Variants in NRG3 observed in about 807,000 individuals in gnomAD.
NRG3 encodes the protein neuregulin 3.
A neutral mutation model predicts 66.9 loss-of-function variants in NRG3; 31 were observed. That is an observed-to-expected ratio of 0.46 (90% CI 0.35 to 0.63). The LOEUF is 0.63. Among genes scored for constraint, NRG3 ranks in the 20% least tolerant of loss-of-function variants. The pLI is 0.00. For missense variants in NRG3, 910 were observed against 878.9 expected, an observed-to-expected ratio of 1.04 and a Z score of -0.45; for synonymous variants, 393 against 359.4, an observed-to-expected ratio of 1.09 and a Z score of -1.06.
chr10:82,364,366 A>G (rs997955573), intron 2 of NRG3, among the ~76,000 whole-genome samples: 2 of 152,210 alleles, frequency 1.3e-5, no homozygotes, highest in Non-Finnish European at 2.9e-5. Context: ...ATTGGATTTA[A>G]TAAAAGGTAG....
intron 2 of NRG3, among the ~76,000 whole-genome samples, chr10:82,649,172 G>A (rs2051204569): frequency 6.6e-6 from 1 of 152,134 alleles, no homozygotes; most frequent in Non-Finnish European, 1.5e-5. Context: ...TAGGAAAAGA[G>A]GAAGTGAAAT....
chr10:81,916,224 A>C (rs1845693469), intron 1 of NRG3, among the ~76,000 whole-genome samples: 1 of 152,148 alleles, frequency 6.6e-6, no homozygotes, highest in South Asian at 2.1e-4. Context: ...ATTCCTTACC[A>C]ACCTGGCCCA....
chr10:82,001,876 A>G (rs1052415454), intron 1 of NRG3, among the ~76,000 whole-genome samples: 2 of 152,210 alleles, frequency 1.3e-5, no homozygotes, highest in African/African-American at 4.8e-5. Flanking sequence ...GGGACCTAAT[A>G]AAGTTTCCTC....
intron 3 of NRG3, among the ~76,000 whole-genome samples, chr10:82,774,735 A>C (rs969794967): frequency 1.7e-5 from 2 of 118,594 alleles, no homozygotes; most frequent in Admixed American, 1.6e-4. Flanking sequence ...GGTTTTATTG[A>C]TTTTTTTGTT....
At chr10:82,066,180 A>G (rs900401040) in intron 1 of NRG3, among the ~76,000 whole-genome samples, 1 of 152,212 alleles carries the variant, frequency 6.6e-6, no homozygotes, top group African/African-American at 2.4e-5. Context: ...AAATCTAAAA[A>G]TAACTACCAT....
chr10:82,885,152 C>T (rs1322956742), intron 4 of NRG3, among the ~76,000 whole-genome samples: 4 of 152,112 alleles, frequency 2.6e-5, no homozygotes, highest in South Asian at 4.1e-4. Flanking sequence ...ATCTTCTGCC[C>T]GTAACTACAA....
intron 4 of NRG3, among the ~76,000 whole-genome samples, chr10:82,871,547 C>T (rs7904273): frequency 6.6e-5 from 10 of 152,026 alleles, no homozygotes; most frequent in South Asian, 2.1e-4. Context: ...TTCCTATTCA[C>T]GAACATGGAA....
At chr10:82,457,257 T>C (rs1444146244) in intron 2 of NRG3, among the ~76,000 whole-genome samples, 1 of 152,178 alleles carries the variant, frequency 6.6e-6, no homozygotes, top group Non-Finnish European at 1.5e-5. Flanking sequence ...AGACAATTTT[T>C]TTCCACAGAC....
At chr10:82,608,686 A>G (rs1460521010) in intron 2 of NRG3, among the ~76,000 whole-genome samples, 2 of 152,074 alleles carry the variant, frequency 1.3e-5, no homozygotes, top group Non-Finnish European at 2.9e-5. Context: ...TAGGTGATAA[A>G]AGAAGGCTGG....
intron 4 of NRG3, among the ~76,000 whole-genome samples, chr10:82,908,191 A>G (rs180823756): frequency 1.7e-3 from 258 of 152,340 alleles, no homozygotes; most frequent in Non-Finnish European, 2.8e-3. Flanking sequence ...AAAAGCTGCC[A>G]TGAGGAGGTG....
At chr10:82,881,417 T>C (rs184426322) in intron 4 of NRG3, among the ~76,000 whole-genome samples, 91 of 152,360 alleles carry the variant, frequency 6.0e-4, no homozygotes, top group African/African-American at 1.8e-3. Context: ...ATTCATTTTC[T>C]CATTACATTC....
chr10:82,488,014 T>C (rs1842824156), intron 2 of NRG3, among the ~76,000 whole-genome samples: 1 of 152,170 alleles, frequency 6.6e-6, no homozygotes, highest in Non-Finnish European at 1.5e-5. Flanking sequence ...TGCCAAATGT[T>C]TTTCAAGGCT....
chr10:82,256,048 C>A (rs1240497243), intron 1 of NRG3, among the ~76,000 whole-genome samples: 1 of 152,084 alleles, frequency 6.6e-6, no homozygotes, highest in Non-Finnish European at 1.5e-5. Flanking sequence ...CTCAGCCTCC[C>A]AAGTAGCTGG....
At chr10:82,729,081 GA>G (rs2057762084) in intron 2 of NRG3, among the ~76,000 whole-genome samples, 1 of 152,160 alleles carries the variant, frequency 6.6e-6, no homozygotes, top group Non-Finnish European at 1.5e-5. Flanking sequence ...TGAGACTTCT[GA>G]GAGGTTAATC....
At chr10:82,546,334 A>T (rs184472055) in intron 2 of NRG3, among the ~76,000 whole-genome samples, 11 of 152,214 alleles carry the variant, frequency 7.2e-5, no homozygotes, top group African/African-American at 2.7e-4. Context: ...AGGGAAATGC[A>T]AAAGTTGCAT....
At chr10:82,106,619 C>T (rs2067077866) in intron 1 of NRG3, among the ~76,000 whole-genome samples, 1 of 151,790 alleles carries the variant, frequency 6.6e-6, no homozygotes, top group African/African-American at 2.4e-5. Flanking sequence ...GATTCTCCTG[C>T]CTCAGCCTCC....
intron 1 of NRG3, among the ~76,000 whole-genome samples, chr10:82,208,047 A>G (rs1460720558): frequency 1.3e-5 from 2 of 152,182 alleles, no homozygotes; most frequent in Non-Finnish European, 2.9e-5. Context: ...ATCTCATTTG[A>G]CCTAAATTAT....
At chr10:82,665,694 T>C (rs563904652) in intron 2 of NRG3, among the ~76,000 whole-genome samples, 1 of 152,298 alleles carries the variant, frequency 6.6e-6, no homozygotes, top group East Asian at 1.9e-4. Context: ...GGCCCATCAA[T>C]TCAGGAACTT....
intron 1 of NRG3, chr10:82,232,392 T>C (rs922471035): frequency 5.7e-6 from 1 of 173,950 alleles, no homozygotes; most frequent in Non-Finnish European, 1.3e-5. Flanking sequence ...TTCTGTGATC[T>C]TTGGAGGAAG....
Sources: gnomAD v4.1 joint callset for allele counts (sites outside exome capture counted in the v4.1 genomes callset) on GRCh38, gnomAD v4.1.1 for gene constraint, MANE v1.5 for transcripts, NCBI Gene and HGNC (gene_info 2026-07-23, HGNC 2026-07-21) for gene names.